ESRRG: variants seen among roughly 807,000 people sequenced by gnomAD.
ESRRG encodes estrogen-related receptor gamma.
Under a neutral mutation model 44.0 loss-of-function variants are expected in ESRRG, and 13 were observed. That is an observed-to-expected ratio of 0.30 (90% CI 0.19 to 0.47). The LOEUF (loss-of-function observed/expected upper bound fraction) is 0.47. ESRRG is among the 20% of genes least tolerant of loss of function. ESRRG has a pLI of 1.00. For missense variants in ESRRG, 395 were observed against 580.6 expected (o/e 0.68, Z 3.29); for synonymous variants, 215 against 214.6 (o/e 1.00, Z -0.02).
At chr1:217,090,579 C>G (rs2092326217), upstream of ESRRG, 1 of 152,058 alleles carries the variant, frequency 6.6e-6, no homozygotes, top group African/African-American at 2.4e-5. Flanking sequence ...ATTTTTGTCT[C>G]CCAGAGATGT....
intron 1 of ESRRG, among the ~76,000 whole-genome samples, chr1:217,075,595 C>CT (rs569147836): frequency 1.5e-3 from 224 of 147,066 alleles, no homozygotes; most frequent in Middle Eastern, 0.014. Context: ...CCTTTCCCCC[C>CT]CCCAACATTA....
At chr1:216,716,694 G>C (rs2152024848) in intron 1 of ESRRG, among the ~76,000 whole-genome samples, 1 of 151,952 alleles carries the variant, frequency 6.6e-6, no homozygotes, top group Admixed American at 6.6e-5. Flanking sequence ...GTACTTTTCA[G>C]TTCTTCTTTT....
intron 2 of ESRRG, among the ~76,000 whole-genome samples, chr1:216,894,407 C>T (rs1197962518): frequency 5.9e-5 from 9 of 152,040 alleles, no homozygotes; most frequent in East Asian, 1.9e-4. Flanking sequence ...ACGAGACAAA[C>T]GCAAAATGAA....
chr1:216,650,577 AAAGAGTGCTTTAAACCC>A (rs1559025767), intron 3 of ESRRG, among the ~76,000 whole-genome samples: 1 of 152,210 alleles, frequency 6.6e-6, no homozygotes. Context: ...GGGAAAGAAC[AAAGAGTGCTTTAAACCC>A]AAGATTAATT....
chr1:216,912,155 GAAA>G (rs1491301289), intron 2 of ESRRG, among the ~76,000 whole-genome samples: 4 of 33,676 alleles, frequency 1.2e-4, no homozygotes, highest in Non-Finnish European at 1.5e-4. Flanking sequence ...GAAAAGAAAA[GAAA>G]AGAAAAGAAA....
intron 1 of ESRRG, among the ~76,000 whole-genome samples, chr1:216,983,031 GTT>G (rs9308379): frequency 0.089 from 11,845 of 132,892 alleles, 1,104 homozygotes; most frequent in African/African-American, 0.24. Flanking sequence ...ACTTTGAACT[GTT>G]TTTTTTTTTT....
chr1:216,743,762 T>G (rs1210319081), intron 2 of ESRRG, among the ~76,000 whole-genome samples: 1 of 152,176 alleles, frequency 6.6e-6, no homozygotes, highest in Non-Finnish European at 1.5e-5. Context: ...TATCACAGGT[T>G]TATGATGTGC....
At chr1:216,777,076 C>T (rs2093642719) in intron 2 of ESRRG, among the ~76,000 whole-genome samples, 1 of 152,136 alleles carries the variant, frequency 6.6e-6, no homozygotes. Context: ...GTACTACTGG[C>T]ATGATCCATG....
intron 1 of ESRRG, among the ~76,000 whole-genome samples, chr1:216,958,335 G>T (rs895896887): frequency 1.3e-5 from 2 of 152,120 alleles, no homozygotes; most frequent in African/African-American, 4.8e-5. Context: ...TCTTTAGTTT[G>T]ATAAAAACTG....
chr1:216,864,191 A>G (rs1257491164), intron 2 of ESRRG: 1 of 152,208 alleles, frequency 6.6e-6, no homozygotes, highest in Non-Finnish European at 1.5e-5. Context: ...TTCAAGTGGC[A>G]CCAATCTTTA....
At chr1:217,111,706 C>A (rs1016418672) in intron 1 of ESRRG, among the ~76,000 whole-genome samples, 1 of 152,188 alleles carries the variant, frequency 6.6e-6, no homozygotes, top group Non-Finnish European at 1.5e-5. Context: ...CAGCTGCTGG[C>A]TGTCAGTAAG....
intron 2 of ESRRG, among the ~76,000 whole-genome samples, chr1:216,743,988 AT>A (rs1342988776): frequency 6.6e-6 from 1 of 152,138 alleles, no homozygotes; most frequent in Non-Finnish European, 1.5e-5. Flanking sequence ...TTTACTTGTG[AT>A]TCCTCTGGAC....
intron 3 of ESRRG, among the ~76,000 whole-genome samples, chr1:216,617,065 A>C (rs570788177): frequency 6.6e-6 from 1 of 152,184 alleles, no homozygotes; most frequent in African/African-American, 2.4e-5. Flanking sequence ...AAACTCATCC[A>C]ATCTGTTTCT....
intron 4 of ESRRG, 135 bp downstream of exon 4, chr1:216,567,853 G>C (rs992582575): frequency 3.3e-5 from 20 of 612,752 alleles, no homozygotes; most frequent in African/African-American, 3.1e-4. Flanking sequence ...CAATCTTTGG[G>C]AATAGAGCCA....
At chr1:216,729,853 T>C (rs1178176264) in intron 2 of ESRRG, among the ~76,000 whole-genome samples, 1 of 152,168 alleles carries the variant, frequency 6.6e-6, no homozygotes, top group Non-Finnish European at 1.5e-5. Context: ...GCTCTTTTGA[T>C]CAGATATCCC....
intron 3 of ESRRG, among the ~76,000 whole-genome samples, chr1:216,618,858 GA>G (rs1230982979): frequency 6.6e-6 from 1 of 152,214 alleles, no homozygotes; most frequent in Non-Finnish European, 1.5e-5. Flanking sequence ...ACTCAGAGAA[GA>G]TGGGTGGCCT....
intron 1 of ESRRG, among the ~76,000 whole-genome samples, chr1:216,722,418 C>G (rs76800476): frequency 7.3e-6 from 1 of 136,782 alleles, no homozygotes; most frequent in African/African-American, 2.7e-5. Flanking sequence ...CACTCCCCCC[C>G]CTTTAGTAAT....
intron 1 of ESRRG, among the ~76,000 whole-genome samples, chr1:217,133,604 T>TC: frequency 8.8e-6 from 1 of 113,372 alleles, no homozygotes; most frequent in African/African-American, 3.5e-5. Context: ...GTGTTTTCCT[T>TC]TTTTCTTTCT....
intron 3 of ESRRG, among the ~76,000 whole-genome samples, chr1:216,615,920 A>G (rs1174388858): frequency 6.6e-6 from 1 of 152,036 alleles, no homozygotes; most frequent in South Asian, 2.1e-4. Flanking sequence ...TCCCGACCTC[A>G]GGAGATCTGC....
Sources: allele counts gnomAD v4.1 joint callset (sites outside exome capture counted in the v4.1 genomes callset), GRCh38; gene constraint gnomAD v4.1.1; transcripts MANE v1.5; gene names NCBI Gene and HGNC (gene_info 2026-07-23, HGNC 2026-07-21).